The following NPEPL1 variants were observed in gnomAD, a reference collection of about 807,000 sequenced individuals.
NPEPL1 encodes the protein probable aminopeptidase NPEPL1.
In NPEPL1, 45 loss-of-function variants were observed where a neutral mutation model predicts 52.4. That is an observed-to-expected ratio of 0.86 (90% CI 0.68 to 1.10). The LOEUF is 1.10. Among genes scored for constraint, NPEPL1 ranks in the 50% least tolerant of loss-of-function variants. The pLI, the probability that NPEPL1 is intolerant of heterozygous loss-of-function variation, is 0.00. For missense variants in NPEPL1, 696 were observed against 710.9 expected (o/e 0.98, Z 0.24); for synonymous variants, 360 against 314.7 (o/e 1.14, Z -1.52).
At chr20:58,712,897 C>A in intron 8 of NPEPL1, 1 of 426,842 alleles carries the variant, frequency 2.3e-6, no homozygotes, top group African/African-American at 2.0e-5. Context: ...AAGCTCTGAC[C>A]CCCAGATTCC....
At position 58,713,022 on chromosome 20, in the gene NPEPL1, C is replaced by T. The variant is rs1347032734; in HGVS notation, c.1002-398C>T. On this transcript the variant is annotated intron_variant, in intron 8 of 11. Transcript: ENST00000356091. This position sits in a 1 kb window ranked among gnomAD's most constrained non-coding sequence, Gnocchi z 4.6. The stretch of plus-strand genomic sequence containing the variant: ...AATTCAAAAGAGAAGAGCCCTCTCC[C>T]CAGCCCCATGAGCTGGTGCCTGAGT... 8.2e-6 allele frequency: 3 copies of T among 366,394 alleles called. No individual in the cohort carries two copies. The highest frequency in any genetic ancestry group is 1.3e-4 in the East Asian group (2 of 15,032). The allele number at this position is 366,394 out of a possible 1,614,324, so 22.7% of individuals were successfully genotyped here.
chr20:58,705,563 A>T, intron 6 of NPEPL1: 1 of 456,212 alleles, frequency 2.2e-6, no homozygotes, highest in East Asian at 6.9e-5. Context: ...ACTCCAGCAC[A>T]GGGGGTGTAA....
Position 58,712,854 on chromosome 20 carries a change from C to G in NPEPL1, c.1001+275C>G, listed in dbSNP as rs557925378. Reference sequence around the variant, plus strand: ...CCCTGCATTACCAGGACAGGTCTTTCCAAAATTTAGGCCTGAAATCTTTGG... The same window carrying G: ...CCCTGCATTACCAGGACAGGTCTTTGCAAAATTTAGGCCTGAAATCTTTGG... On this transcript the variant is annotated intron_variant, in intron 8 of 11. Transcript: ENST00000356091. The G allele has an allele frequency of 2.1e-5, 11 of 515,922 alleles. No individual in the cohort carries two copies. In the Admixed American group the frequency reaches 3.0e-4, roughly 14 times the overall value. 32.0% of individuals were successfully genotyped at this position (515,922 alleles called of 1,614,324 possible).
rs2084901557 is a variant in NPEPL1, at chr20:58,713,698, G to T, written c.1125+155G>T. ...CAGGAGGAGCTGCCCGTCAAGCTTG[G>T]TGTGGGCAGTACCGAGGCCCAGGCT... On this transcript the variant is annotated intron_variant, in intron 9 of 11. Coordinates refer to ENST00000356091, the MANE Select transcript of NPEPL1 (RefSeq NM_024663.4). This position sits in a 1 kb window ranked among gnomAD's most constrained non-coding sequence, Gnocchi z 4.6. 1.7e-6 allele frequency: 2 copies of T among 1,197,828 alleles called. No homozygotes were observed. Among genetic ancestry groups the T allele is most frequent in the East Asian group, 5.2e-5 (2 of 38,368 alleles). The allele number at this position is 1,197,828 out of a possible 1,614,324, so 74.2% of individuals were successfully genotyped here.
chr20:58,691,206 G>C (rs985320788), upstream of NPEPL1: 8 of 702,598 alleles, frequency 1.1e-5, no homozygotes, highest in African/African-American at 1.2e-4. Context: ...AGAAAAAAGA[G>C]TGAGAGATCT....
At chr20:58,693,238 C>T (rs1162841895) in intron 1 of NPEPL1, 188 bp downstream of exon 1, 5 of 274,674 alleles carry the variant, frequency 1.8e-5, no homozygotes, top group African/African-American at 2.3e-5. Flanking sequence ...CCCCAGGCCC[C>T]GTCGCCGGTG....
At chr20:58,699,324 CCA>C (rs2084561709) in intron 5 of NPEPL1, 46 bp downstream of exon 5, 2 of 1,478,522 alleles carry the variant, frequency 1.4e-6, no homozygotes, top group Non-Finnish European at 1.8e-6. Context: ...CGGGCAGTGG[CCA>C]GGGGCACTTG....
intron 10 of NPEPL1, 83 bp from the exon 11 acceptor site, chr20:58,714,477 G>A: frequency 9.9e-7 from 1 of 1,014,948 alleles, no homozygotes; most frequent in Non-Finnish European, 1.4e-6. Context: ...CTTGCAGACA[G>A]CAATAGTGAC....
At chr20:58,691,365 T>C (rs1429371193), upstream of NPEPL1, 2 of 41,754 alleles carry the variant, frequency 4.8e-5, no homozygotes, top group Admixed American at 3.3e-4. Context: ...ATTCAACAGC[T>C]TTTTTTTTTT....
upstream of NPEPL1, chr20:58,691,399 T>TGGC: frequency 2.2e-6 from 1 of 450,646 alleles, no homozygotes; most frequent in Non-Finnish European, 3.9e-6. Flanking sequence ...TTTTTTTTTT[T>TGGC]TTGAGTGCCT....
chr20:58,702,154 G>GAATT (rs2084640250), intron 6 of NPEPL1, among the ~76,000 whole-genome samples: 1 of 152,364 alleles, frequency 6.6e-6, no homozygotes, highest in East Asian at 1.9e-4. Flanking sequence ...TTTAAAATTT[G>GAATT]AATTAGCTAC....
upstream of NPEPL1, chr20:58,691,671 C>CA: frequency 1.3e-6 from 1 of 756,870 alleles, no homozygotes; most frequent in Non-Finnish European, 2.1e-6. Context: ...GTTGACAGTG[C>CA]TTTTTTTTCT....
At chr20:58,702,061 A>T (rs187074241) in intron 6 of NPEPL1, among the ~76,000 whole-genome samples, 296 of 152,352 alleles carry the variant, frequency 1.9e-3, no homozygotes, top group African/African-American at 6.6e-3. Context: ...TACATACCTC[A>T]GGAGGTCTGG....
In NPEPL1 at chr20:58,714,666, A is replaced by C. The variant is rs2084919720; in HGVS notation, c.1409A>C (p.His470Pro). Residue 470 changes from histidine to proline, a missense_variant, in exon 11 of 12, where the codon CAT becomes CCT. By Grantham distance (77) the His-to-Pro change is moderately conservative. Transcript: ENST00000356091. Reference protein sequence around the residue: ...WVHLDIAAPVHAGERATGFGV... With the variant: ...WVHLDIAAPVPAGERATGFGV... ...CACCTGGACATTGCTGCACCGGTGC[A>C]TGCTGTGAGTGTCTCCCCTCCCCAC... 3 of 1,587,326 alleles carry C rather than the reference A, an allele frequency of 1.9e-6. No individual in the cohort carries two copies. In the African/African-American group the frequency reaches 4.0e-5, roughly 21 times the overall value.
At chr20:58,700,478 G>A (rs963646421) in intron 5 of NPEPL1, among the ~76,000 whole-genome samples, 1 of 152,290 alleles carries the variant, frequency 6.6e-6, no homozygotes, top group South Asian at 2.1e-4. Flanking sequence ...ATTAGCTCTC[G>A]TCATTGTTGC....
chr20:58,703,506 G>A (rs888566380), intron 6 of NPEPL1: 78 of 985,072 alleles, frequency 7.9e-5, no homozygotes, highest in African/African-American at 1.9e-4. Flanking sequence ...CCTGGAAGCC[G>A]CTACATTCTG....
rs1568850271 is a variant in NPEPL1 at position 58,698,746 on chromosome 20, T to C, written c.570T>C (p.Asn190=). The C allele has an allele frequency of 3.1e-6, 5 of 1,612,798 alleles. No homozygotes were observed. Among genetic ancestry groups the C allele is most frequent in the Non-Finnish European group, 4.2e-6 (5 of 1,179,798 alleles). ...CCCGCATCGTGGACACACCCTGCAA[T>C]GAGATGAACACCGACACCTTCCTCG... ...LAARIVDTPC[N]EMNTDTFLEE... The change falls in exon 4 of 12, where the codon AAT becomes AAC. Residue 190 remains asparagine (N), a synonymous_variant. Coordinates refer to ENST00000356091, the MANE Select transcript of NPEPL1 (RefSeq NM_024663.4).
At chr20:58,700,583 CAA>C (rs2084594208) in intron 5 of NPEPL1, among the ~76,000 whole-genome samples, 2 of 152,182 alleles carry the variant, frequency 1.3e-5, no homozygotes, top group Admixed American at 1.3e-4. Flanking sequence ...TCATGTAAAC[CAA>C]AGAGGCAGTG....
At chr20:58,714,774 G>A (rs953418482) in intron 11 of NPEPL1, 104 bp downstream of exon 11, 20 of 908,640 alleles carry the variant, frequency 2.2e-5, no homozygotes, top group Non-Finnish European at 2.8e-5. Context: ...AGAAACTTCT[G>A]TCTGTGACCC....
Sources: gnomAD v4.1 joint callset for allele counts (sites outside exome capture counted in the v4.1 genomes callset) on GRCh38, gnomAD v4.1.1 for gene constraint, Gnocchi (gnomAD v3.1) non-coding constraint, MANE v1.5 for transcripts, NCBI Gene and HGNC (gene_info 2026-07-23, HGNC 2026-07-21) for gene names.